The following SH3PXD2A variants were observed in gnomAD, a reference collection of about 807,000 sequenced individuals.
SH3PXD2A encodes the protein SH3 and PX domains 2A.
SH3PXD2A carries 32 observed loss-of-function variants against 115.2 expected under a neutral mutation model. That is an observed-to-expected ratio of 0.28 (90% CI 0.21 to 0.37). SH3PXD2A has a LOEUF of 0.37. Among genes scored for constraint, SH3PXD2A ranks in the 10% least tolerant of loss-of-function variants. The probability of loss-of-function intolerance (pLI) is 1.00; values close to 1 mark genes in which losing one functional copy is unlikely to be tolerated. For missense variants in SH3PXD2A, 1,328 were observed against 1,498.7 expected (o/e 0.89, Z 1.88); for synonymous variants, 610 against 629.1 (o/e 0.97, Z 0.45).
chr10:103,745,655 C>T (rs766241619), intron 3 of SH3PXD2A, among the ~76,000 whole-genome samples: 2 of 152,218 alleles, frequency 1.3e-5, no homozygotes, highest in Non-Finnish European at 2.9e-5. Flanking sequence ...TTGCTGGCCA[C>T]GTGGAATCCA....
intron 1 of SH3PXD2A, among the ~76,000 whole-genome samples, chr10:103,832,523 A>C (rs930296102): frequency 6.6e-6 from 1 of 152,248 alleles, no homozygotes; most frequent in African/African-American, 2.4e-5. Context: ...TCAATGATAG[A>C]CTGGATTAAG....
intron 4 of SH3PXD2A, among the ~76,000 whole-genome samples, chr10:103,731,966 C>A (rs1564875450): frequency 6.6e-6 from 1 of 152,180 alleles, no homozygotes. Context: ...TTCCCTCCTA[C>A]AAAGAAAGCC....
chr10:103,680,276 G>A (rs1490522491), intron 6 of SH3PXD2A, among the ~76,000 whole-genome samples: 1 of 150,904 alleles, frequency 6.6e-6, no homozygotes, highest in African/African-American at 2.4e-5. Flanking sequence ...ACCACACCCG[G>A]CCTGCCTTCT....
At chr10:103,776,453 T>A (rs1488460217) in intron 2 of SH3PXD2A, among the ~76,000 whole-genome samples, 1 of 150,228 alleles carries the variant, frequency 6.7e-6, no homozygotes. Context: ...TGTGTGTGTG[T>A]GTGTGTGTGT....
chr10:103,833,239 A>C (rs2039499146), intron 1 of SH3PXD2A, among the ~76,000 whole-genome samples: 1 of 152,230 alleles, frequency 6.6e-6, no homozygotes, highest in Admixed American at 6.5e-5. Context: ...GAAAAAATGC[A>C]AAATAATACA....
intron 1 of SH3PXD2A, among the ~76,000 whole-genome samples, chr10:103,846,193 T>C (rs926471273): frequency 3.3e-5 from 5 of 152,178 alleles, no homozygotes; most frequent in Admixed American, 3.3e-4. Flanking sequence ...CAAAGGGAAA[T>C]GACAGCACAG....
At chr10:103,608,150 T>TAAAAAAAAAAAAAAAAAGTTTAAA (rs768102863) in intron 13 of SH3PXD2A, among the ~76,000 whole-genome samples, 3 of 32,646 alleles carry the variant, frequency 9.2e-5, no homozygotes, top group African/African-American at 4.8e-4. Flanking sequence ...ATGATCAATT[T>TAAAAAAAAAAAAAAAAAGTTTAAA]AAAAAAAAAA....
chr10:103,657,117 G>A (rs927871677), intron 8 of SH3PXD2A, among the ~76,000 whole-genome samples: 2 of 151,890 alleles, frequency 1.3e-5, no homozygotes, highest in Admixed American at 1.3e-4. Flanking sequence ...AAAAATGATG[G>A]ACCAGGAGCT....
At chr10:103,822,547 TGG>T (rs373325314) in intron 1 of SH3PXD2A, among the ~76,000 whole-genome samples, 41 of 152,192 alleles carry the variant, frequency 2.7e-4, no homozygotes, top group East Asian at 1.9e-3. Context: ...GAGGGCATGG[TGG>T]GGGGGGAGCA....
Position 103,784,574 on chromosome 10 carries a change from A to ATT in SH3PXD2A, c.153+16707_153+16708insAA, listed in dbSNP as rs2038963086. Among the ~76,000 whole-genome samples the ATT allele has an allele frequency of 6.6e-6, 1 of 152,216 alleles. No individual in the cohort carries two copies. Among genetic ancestry groups the ATT allele is most frequent in the Non-Finnish European group, 1.5e-5 (1 of 68,044 alleles). Reference sequence around the variant, plus strand: ...TGATATCATTTTCTATAGGATTGAAAACATTCCTAATTACAAATAAACACT... The same window carrying ATT: ...TGATATCATTTTCTATAGGATTGAAATTACATTCCTAATTACAAATAAACACT... On this transcript the variant is annotated intron_variant, in intron 2 of 14. Transcript: ENST00000369774. This position sits in a 1 kb window ranked among gnomAD's most constrained non-coding sequence, Gnocchi z 4.4.
At chr10:103,698,742 C>T (rs192153319) in intron 5 of SH3PXD2A, among the ~76,000 whole-genome samples, 70 of 152,188 alleles carry the variant, frequency 4.6e-4, no homozygotes, top group East Asian at 1.9e-4. Flanking sequence ...ATAAGTCCAA[C>T]GAGAAAGCCA....
intron 2 of SH3PXD2A, among the ~76,000 whole-genome samples, chr10:103,779,288 G>C (rs1157817440): frequency 6.6e-6 from 1 of 152,164 alleles, no homozygotes; most frequent in Admixed American, 6.5e-5. Flanking sequence ...GGCTGGTCTC[G>C]AAATCCTGAC....
chr10:103,685,345 A>C (rs1302136637), intron 6 of SH3PXD2A, among the ~76,000 whole-genome samples: 1 of 150,950 alleles, frequency 6.6e-6, no homozygotes, highest in East Asian at 1.9e-4. Flanking sequence ...CTCAAAAAAA[A>C]AAAAAAAAAA....
At chr10:103,779,382 C>G (rs904464533) in intron 2 of SH3PXD2A, among the ~76,000 whole-genome samples, 2 of 152,218 alleles carry the variant, frequency 1.3e-5, no homozygotes, top group African/African-American at 4.8e-5. Flanking sequence ...CAGCATCCTC[C>G]TGATACCCCC....
chr10:103,718,207 G>A (rs1349070544), intron 5 of SH3PXD2A, among the ~76,000 whole-genome samples: 5 of 151,784 alleles, frequency 3.3e-5, no homozygotes, highest in Middle Eastern at 3.2e-3. Flanking sequence ...GTAGAGATGG[G>A]GGTCTCACTA....
intron 5 of SH3PXD2A, among the ~76,000 whole-genome samples, chr10:103,703,858 T>C (rs2037949287): frequency 6.6e-6 from 1 of 152,212 alleles, no homozygotes; most frequent in South Asian, 2.1e-4. Flanking sequence ...ATGGTGCGTG[T>C]GTGCATGTGT....
chr10:103,603,446 CGGTGGGGCT>C lies in SH3PXD2A; in HGVS notation c.1763_1771del (p.Gln588_His590del). The C allele has an allele frequency of 6.2e-7, 1 of 1,613,174 alleles. No individual in the cohort carries two copies. The highest frequency in any genetic ancestry group is 8.5e-7 in the Non-Finnish European group (1 of 1,179,568). On this transcript the variant is annotated inframe_deletion, in exon 15 of 15. Transcript: ENST00000369774. ...CTGCAGAGAAGAGGCCGGCGAGGGC[CGGTGGGGCT>C]GGGCAGGCCGCCTCTCCCCTGAGGC...
At chr10:103,633,482 T>G (rs2036815407) in intron 8 of SH3PXD2A, among the ~76,000 whole-genome samples, 1 of 150,850 alleles carries the variant, frequency 6.6e-6, no homozygotes, top group African/African-American at 2.4e-5. Context: ...CTGTAGCACT[T>G]TGGAAGGCCG....
chr10:103,619,419 T>C (rs1326208443), intron 10 of SH3PXD2A, among the ~76,000 whole-genome samples: 3 of 152,226 alleles, frequency 2.0e-5, no homozygotes, highest in Admixed American at 6.5e-5. Context: ...TTTGCCTTTG[T>C]TCAGCTGGGC....
Sources: gnomAD v4.1 joint callset for allele counts (sites outside exome capture counted in the v4.1 genomes callset) on GRCh38, gnomAD v4.1.1 for gene constraint, Gnocchi (gnomAD v3.1) non-coding constraint, MANE v1.5 for transcripts, NCBI Gene and HGNC (gene_info 2026-07-23, HGNC 2026-07-21) for gene names.